ARMC2: variants seen among roughly 807,000 people sequenced by gnomAD.
The protein encoded by ARMC2 is armadillo repeat-containing protein 2.
Under a neutral mutation model 90.3 loss-of-function variants are expected in ARMC2, and 67 were observed. The observed-to-expected ratio is 0.74, with a 90% CI of 0.61 to 0.91. The LOEUF (loss-of-function observed/expected upper bound fraction) is 0.91, where lower values mean the gene tolerates loss of function less well. Among genes scored for constraint, ARMC2 ranks in the 40% least tolerant of loss-of-function variants. The probability of loss-of-function intolerance (pLI) is 0.00; values close to 1 mark genes in which losing one functional copy is unlikely to be tolerated. For missense variants in ARMC2, 920 were observed against 1,030.9 expected (o/e 0.89, Z 1.47); for synonymous variants, 393 against 393.0 (o/e 1.00, Z 0.00).
At chr6:108,966,660 G>A (rs753508161) in intron 17 of ARMC2, among the ~76,000 whole-genome samples, 16 of 151,706 alleles carry the variant, frequency 1.1e-4, no homozygotes, top group Admixed American at 2.0e-4. Flanking sequence ...GTTCACAGTC[G>A]GCTCCATGAG....
At chr6:109,006,466 A>G in the ARMC2 span, among the ~76,000 whole-genome samples, 3 of 108,026 alleles carry the variant, frequency 2.8e-5, no homozygotes, top group African/African-American at 1.1e-4. Flanking sequence ...ACCCCACGAC[A>G]GGCCCCGGTG....
At chr6:109,041,758 C>T in the ARMC2 span, among the ~76,000 whole-genome samples, 1 of 152,062 alleles carries the variant, frequency 6.6e-6, no homozygotes, top group East Asian at 1.9e-4. Flanking sequence ...TAGCAGGAGA[C>T]TTCAACATTC....
chr6:108,916,336 T>C (rs192663015), intron 10 of ARMC2, among the ~76,000 whole-genome samples: 2 of 152,334 alleles, frequency 1.3e-5, no homozygotes, highest in East Asian at 3.9e-4. Context: ...CCAATGCTTA[T>C]TCTTCTGCAA....
chr6:109,002,436 AG>A, the ARMC2 span: 1 of 937,748 alleles, frequency 1.1e-6, no homozygotes, highest in Non-Finnish European at 1.7e-6. Flanking sequence ...CCAGTCGAAC[AG>A]AGACAGGCTT....
At chr6:108,986,205 C>CT in the ARMC2 span, among the ~76,000 whole-genome samples, 1 of 152,134 alleles carries the variant, frequency 6.6e-6, no homozygotes, top group African/African-American at 2.4e-5. Flanking sequence ...TATTGGAACT[C>CT]TAAAACAGTT....
intron 5 of ARMC2, among the ~76,000 whole-genome samples, chr6:108,885,716 G>C (rs528179791): frequency 6.6e-5 from 10 of 152,182 alleles, no homozygotes; most frequent in African/African-American, 1.9e-4. Context: ...GTGATAATCT[G>C]TCTGGAAACT....
the ARMC2 span, among the ~76,000 whole-genome samples, chr6:109,007,217 C>T: frequency 2.0e-5 from 3 of 152,148 alleles, no homozygotes; most frequent in Non-Finnish European, 2.9e-5. Flanking sequence ...AGTAGTACCA[C>T]AGAAAGACTA....
the ARMC2 span, among the ~76,000 whole-genome samples, chr6:109,026,794 C>A: frequency 2.0e-5 from 3 of 152,178 alleles, no homozygotes; most frequent in South Asian, 4.1e-4. Flanking sequence ...TGAGCCACTG[C>A]GCCCGGCCAG....
At chr6:108,873,655 G>A (rs1776656250) in intron 4 of ARMC2, among the ~76,000 whole-genome samples, 2 of 152,204 alleles carry the variant, frequency 1.3e-5, no homozygotes, top group African/African-American at 4.8e-5. Context: ...TAAAACTGGG[G>A]CCCTGCCTGA....
chr6:108,902,453 T>A (rs1772245526), intron 7 of ARMC2, among the ~76,000 whole-genome samples: 1 of 152,194 alleles, frequency 6.6e-6, no homozygotes, highest in Non-Finnish European at 1.5e-5. Context: ...GAGCCTGGAC[T>A]TAGGGTTTGT....
At chr6:108,908,859 C>A (rs1399116793) in intron 8 of ARMC2, among the ~76,000 whole-genome samples, 1 of 151,838 alleles carries the variant, frequency 6.6e-6, no homozygotes, top group Non-Finnish European at 1.5e-5. Context: ...CACTTGAGGT[C>A]AGGAGTTCGA....
chr6:108,857,254 T>C (rs1015210262), intron 2 of ARMC2, among the ~76,000 whole-genome samples: 2 of 152,248 alleles, frequency 1.3e-5, no homozygotes, highest in African/African-American at 2.4e-5. Flanking sequence ...CTGAGTTTTA[T>C]AGCTTTCCTC....
At chr6:109,012,762 G>A in the ARMC2 span, among the ~76,000 whole-genome samples, 1 of 152,254 alleles carries the variant, frequency 6.6e-6, no homozygotes, top group South Asian at 2.1e-4. Flanking sequence ...GCAGAATACA[G>A]GAAGCTCAAT....
At position 108,973,687 on chromosome 6, in the gene ARMC2, A is replaced by G; in HGVS notation, c.*173A>G. The G allele has an allele frequency of 1.8e-6, 1 of 563,446 alleles. No individual in the cohort carries two copies. Among genetic ancestry groups the G allele is most frequent in the East Asian group, 3.0e-5 (1 of 33,654 alleles). 34.9% of individuals were successfully genotyped at this position (563,446 alleles called of 1,614,324 possible). A position where few individuals can be genotyped will look rare whatever the true frequency, so the allele number is the denominator to read the frequency against. ...AATTAAGCATTTCTTCTTGTTAGGTATTATGGAAAAATGAATATACACATT... is the reference window on the plus strand; with the variant it reads ...AATTAAGCATTTCTTCTTGTTAGGTGTTATGGAAAAATGAATATACACATT... On this transcript the variant is annotated 3_prime_UTR_variant, in exon 18 of 18. Transcript: ENST00000392644.
chr6:108,993,006 C>A, the ARMC2 span: 1 of 654,968 alleles, frequency 1.5e-6, no homozygotes, highest in Non-Finnish European at 2.7e-6. Flanking sequence ...TACTGAGTGA[C>A]CAATATCAAC....
chr6:108,872,802 C>T (rs2128434043), intron 4 of ARMC2, among the ~76,000 whole-genome samples: 1 of 152,238 alleles, frequency 6.6e-6, no homozygotes, highest in East Asian at 1.9e-4. Context: ...AACTGAGTTC[C>T]AGGGAACTCC....
At chr6:108,908,336 C>T (rs771966829) in intron 8 of ARMC2, among the ~76,000 whole-genome samples, 1 of 152,206 alleles carries the variant, frequency 6.6e-6, no homozygotes, top group Non-Finnish European at 1.5e-5. Context: ...CTCCCCAGGC[C>T]CCTCCAGCTG....
chr6:109,035,269 T>C, the ARMC2 span, among the ~76,000 whole-genome samples: 2 of 152,180 alleles, frequency 1.3e-5, no homozygotes, highest in African/African-American at 4.8e-5. Flanking sequence ...GCTGAGCATC[T>C]AGTGTGTGTT....
At chr6:109,046,743 T>G in the ARMC2 span, among the ~76,000 whole-genome samples, 6 of 135,920 alleles carry the variant, frequency 4.4e-5, no homozygotes, top group African/African-American at 1.6e-4. Flanking sequence ...CCGCCCCATC[T>G]GGGTTGTGAG....
Sources: gnomAD v4.1 joint callset for allele counts (sites outside exome capture counted in the v4.1 genomes callset) on GRCh38, gnomAD v4.1.1 for gene constraint, MANE v1.5 for transcripts, NCBI Gene and HGNC (gene_info 2026-07-23, HGNC 2026-07-21) for gene names.